The following RUBCN variants were observed in gnomAD, a reference collection of about 807,000 sequenced individuals.
RUBCN encodes rubicon autophagy regulator, also known as run domain Beclin-1-interacting and cysteine-rich domain-containing protein.
A neutral mutation model predicts 113.2 loss-of-function variants in RUBCN; 74 were observed. The observed-to-expected ratio is 0.65, with a 90% CI of 0.54 to 0.79. RUBCN has a LOEUF of 0.79. Ranked by LOEUF, RUBCN falls within the 30% of genes least tolerant of loss-of-function variation. RUBCN has a pLI of 0.00. For synonymous variants in RUBCN, 480 were observed against 490.0 expected, an observed-to-expected ratio of 0.98 and a Z score of 0.27; for missense variants, 1,109 against 1,251.7, an observed-to-expected ratio of 0.89 and a Z score of 1.72.
intron 1 of RUBCN, among the ~76,000 whole-genome samples, chr3:197,736,389 A>T (rs1728123335): frequency 6.6e-6 from 1 of 151,784 alleles, no homozygotes; most frequent in Non-Finnish European, 1.5e-5. Flanking sequence ...CCTCTCCAGC[A>T]GTCTTGGATC....
chr3:197,684,940 T>C lies in RUBCN; in HGVS notation c.1787-723A>G, dbSNP rs140050452. On this transcript the variant is annotated intron_variant, in intron 11 of 19. Transcript: ENST00000296343. ...CTGTTGCCATTTTACCCCTGAATGTTAGAAGTCTTCTATATCCTTAGAAAA... is the reference window on the plus strand; with the variant it reads ...CTGTTGCCATTTTACCCCTGAATGTCAGAAGTCTTCTATATCCTTAGAAAA... Among the ~76,000 whole-genome samples, 6 of 152,298 alleles carry C rather than the reference T, an allele frequency of 3.9e-5. No individual in the cohort carries two copies. In the East Asian group the frequency reaches 1.2e-3, roughly 29 times the overall value.
chr3:197,745,654 G>A (rs1728712344), intron 1 of RUBCN, among the ~76,000 whole-genome samples: 1 of 151,796 alleles, frequency 6.6e-6, no homozygotes, highest in Middle Eastern at 3.2e-3. Context: ...AAAAGTTAAG[G>A]GGTGAAGTGT....
chr3:197,710,867 G>A (rs1724888835), intron 2 of RUBCN, among the ~76,000 whole-genome samples: 1 of 151,720 alleles, frequency 6.6e-6, no homozygotes, highest in Admixed American at 6.6e-5. Context: ...CGCCCAGGCT[G>A]GAATGCAGTT....
intron 11 of RUBCN, among the ~76,000 whole-genome samples, chr3:197,686,197 C>A (rs1423800886): frequency 6.6e-6 from 1 of 152,072 alleles, no homozygotes; most frequent in African/African-American, 2.4e-5. Context: ...CTAAGGAAAC[C>A]ATTGCCTTCA....
chr3:197,741,331 C>A (rs1284636469), upstream of RUBCN, among the ~76,000 whole-genome samples: 2 of 152,144 alleles, frequency 1.3e-5, no homozygotes, highest in East Asian at 3.8e-4. Flanking sequence ...GCCAAATGAC[C>A]AATTCACTGA....
At chr3:197,734,077 G>A (rs903968718) in intron 1 of RUBCN, among the ~76,000 whole-genome samples, 3 of 151,914 alleles carry the variant, frequency 2.0e-5, no homozygotes, top group African/African-American at 7.3e-5. Flanking sequence ...CCAACATGGC[G>A]AAACCCCGTC....
chr3:197,736,177 T>C (rs1475026024), intron 1 of RUBCN, among the ~76,000 whole-genome samples: 2 of 152,054 alleles, frequency 1.3e-5, no homozygotes, highest in Non-Finnish European at 2.9e-5. Context: ...CCCATGCTCA[T>C]CTCTGCCTAA....
Position 197,675,932 on chromosome 3 carries a change from T to C in RUBCN, c.2647-417A>G, listed in dbSNP as rs1040049827. Among the ~76,000 whole-genome samples, 1 of 152,176 alleles carries C rather than the reference T, an allele frequency of 6.6e-6. No homozygotes were observed. The highest frequency in any genetic ancestry group is 1.5e-5 in the Non-Finnish European group (1 of 68,032). ...CCTGGAGTCAGGTTGTAGTGAAGGA[T>C]TTCCAGTTCCTCCCAGACACACAGG... is the stretch of plus-strand genomic sequence containing the variant. On this transcript the variant is annotated intron_variant, in intron 18 of 19. Transcript: ENST00000296343. The surrounding 1 kb of genome is among the most constrained non-coding windows in gnomAD (Gnocchi z 4.4).
intron 11 of RUBCN, among the ~76,000 whole-genome samples, chr3:197,691,676 G>A (rs928809423): frequency 2.6e-5 from 4 of 152,204 alleles, no homozygotes; most frequent in South Asian, 2.1e-4. Context: ...CCTCTCTCTC[G>A]GCAGGCTCCT....
At chr3:197,707,739 G>T (rs1297425036) in intron 2 of RUBCN, among the ~76,000 whole-genome samples, 1 of 152,056 alleles carries the variant, frequency 6.6e-6, no homozygotes, top group Non-Finnish European at 1.5e-5. Flanking sequence ...GAGGTGGGAG[G>T]GTCACCTGAG....
Position 197,695,973 on chromosome 3 carries a change from G to C in RUBCN, c.1366C>G (p.Arg456Gly), listed in dbSNP as rs147227348. Reference sequence around the variant, plus strand: ...ATGCCTTCCCCTGAGCACAGGTACCGACCACCTTCTGTGGGAAATGGAATG... The same window carrying C: ...ATGCCTTCCCCTGAGCACAGGTACCCACCACCTTCTGTGGGAAATGGAATG... ...SSLYMEYEGG[R>G]YLCSGEGMFR... Residue 456 changes from arginine to glycine, a missense_variant, in exon 9 of 20, where the codon CGG (arginine) becomes GGG (glycine). Arg to Gly is a moderately radical substitution (Grantham distance 125). Around this residue, in one of 3 missense-constraint regions of RUBCN, gnomAD observed 736 missense variants for 779.6 expected, o/e 0.94. Transcript: ENST00000296343. 1.2e-6 allele frequency: 2 copies of C among 1,614,064 alleles called. No individual in the cohort carries two copies. The highest frequency in any genetic ancestry group is 1.1e-5 in the South Asian group (1 of 91,070).
chr3:197,681,147 C>T lies in RUBCN; in HGVS notation c.2412G>A (p.Lys804=), dbSNP rs1351637295. The change falls in exon 16 of 20, where the codon AAG becomes AAA. Residue 804 remains lysine (K), a synonymous_variant. Coordinates refer to ENST00000296343, the MANE Select transcript of RUBCN (RefSeq NM_014687.4). The surrounding 1 kb of genome is among the most constrained non-coding windows in gnomAD (Gnocchi z 5.5). ...GTCTTACCCGGACTTGATTGAGCAG[C>T]TTGACCTTCCTATAGAGGGCACTGT... is the stretch of plus-strand genomic sequence containing the variant. ...DINSALYRKV[K]LLNQVRLLRV... is the part of the protein sequence containing the mutation. 1.3e-5 allele frequency: 21 copies of T among 1,613,404 alleles called. No individual in the cohort carries two copies. Among genetic ancestry groups the T allele is most frequent in the Non-Finnish European group, 1.7e-5 (20 of 1,179,560 alleles).
intron 11 of RUBCN, 31 bp downstream of exon 11, chr3:197,693,684 A>T (rs200031422): frequency 3.4e-5 from 47 of 1,400,002 alleles, no homozygotes; most frequent in Non-Finnish European, 4.5e-5. Flanking sequence ...ACAGAATAAA[A>T]GTTCCCTTGT....
chr3:197,725,536 T>TTTTTC (rs1726644050), intron 1 of RUBCN, among the ~76,000 whole-genome samples: 1 of 138,612 alleles, frequency 7.2e-6, no homozygotes, highest in Non-Finnish European at 1.5e-5. Context: ...TTTTTTTTTT[T>TTTTTC]TTTTTTTGTA....
intron 1 of RUBCN, among the ~76,000 whole-genome samples, chr3:197,730,406 CTTG>C (rs1388485440): frequency 6.6e-6 from 1 of 152,138 alleles, no homozygotes; most frequent in Non-Finnish European, 1.5e-5. Context: ...CTGCATCTTT[CTTG>C]TTGCTGGTAT....
At chr3:197,684,239 G>A (rs1258449160) in intron 11 of RUBCN, 22 bp from the exon 12 acceptor site, 1 of 1,606,818 alleles carries the variant, frequency 6.2e-7, no homozygotes, top group Non-Finnish European at 8.5e-7. Flanking sequence ...CCAGAGATAA[G>A]GGGAGCGCAA....
chr3:197,739,137 C>G (rs772837297), upstream of RUBCN, among the ~76,000 whole-genome samples: 1 of 151,582 alleles, frequency 6.6e-6, no homozygotes, highest in Non-Finnish European at 1.5e-5. Context: ...GACAAGGTTT[C>G]TCCATGTTGG....
At chr3:197,684,473 A>C (rs1388094349) in intron 11 of RUBCN, among the ~76,000 whole-genome samples, 2 of 152,138 alleles carry the variant, frequency 1.3e-5, no homozygotes, top group African/African-American at 4.8e-5. Flanking sequence ...GCAGAAAGAC[A>C]AACTCAGCTT....
intron 1 of RUBCN, among the ~76,000 whole-genome samples, chr3:197,747,929 GT>G (rs1169134636): frequency 1.4e-3 from 192 of 140,300 alleles, no homozygotes; most frequent in Admixed American, 3.8e-3. Flanking sequence ...AGTTTCTGTA[GT>G]TTTTTTTTTT....
Sources: gnomAD v4.1 joint callset for allele counts (sites outside exome capture counted in the v4.1 genomes callset) on GRCh38, gnomAD v4.1.1 for gene constraint, gnomAD v4.1.1 regional missense constraint, Gnocchi (gnomAD v3.1) non-coding constraint, MANE v1.5 for transcripts, NCBI Gene and HGNC (gene_info 2026-07-23, HGNC 2026-07-21) for gene names.